Variants in ARHGEF7 observed in about 807,000 individuals in gnomAD.
ARHGEF7 encodes PAK-interacting exchange factor beta.
ARHGEF7 carries 33 observed loss-of-function variants against 109.8 expected under a neutral mutation model. The ratio of observed to expected loss-of-function variants is 0.30; its 90% confidence interval spans 0.23 to 0.40. ARHGEF7 has a LOEUF of 0.40. Among genes scored for constraint, ARHGEF7 ranks in the 10% least tolerant of loss-of-function variants. The pLI, the probability that ARHGEF7 is intolerant of heterozygous loss-of-function variation, is 1.00. For missense variants in ARHGEF7, 938 were observed against 1,098.5 expected (o/e 0.85, Z 2.07); for synonymous variants, 458 against 424.6 (o/e 1.08, Z -0.97).
intron 21 of ARHGEF7, 95 bp downstream of exon 21, chr13:111,301,627 TCACACCTATAATCCCAG>T (rs1485561248): frequency 2.9e-6 from 3 of 1,021,694 alleles, no homozygotes; most frequent in Non-Finnish European, 4.4e-6. Flanking sequence ...GTACGGTGGC[TCACACCTATAATCCCAG>T]CACTTTAGAA....
At chr13:111,150,513 A>G (rs1196451451) in intron 1 of ARHGEF7, among the ~76,000 whole-genome samples, 3 of 152,052 alleles carry the variant, frequency 2.0e-5, no homozygotes, top group African/African-American at 7.2e-5. Flanking sequence ...GTTTTTTTAC[A>G]TTGTTTTTTA....
chr13:111,189,897 C>G (rs897154447), intron 2 of ARHGEF7, among the ~76,000 whole-genome samples: 1 of 152,168 alleles, frequency 6.6e-6, no homozygotes, highest in Non-Finnish European at 1.5e-5. Flanking sequence ...GAAAAGTTCT[C>G]CAAGTCCCCA....
intron 19 of ARHGEF7, among the ~76,000 whole-genome samples, chr13:111,296,558 C>T (rs1452123240): frequency 6.6e-6 from 1 of 152,192 alleles, no homozygotes; most frequent in African/African-American, 2.4e-5. Context: ...GTTTTTCTTA[C>T]TCCCACCTCC....
At chr13:111,297,419 A>C (rs909694426) in intron 19 of ARHGEF7, among the ~76,000 whole-genome samples, 1 of 152,244 alleles carries the variant, frequency 6.6e-6, no homozygotes. Context: ...GCATGCTTTA[A>C]GTGTAGCTGT....
chr13:111,251,405 T>G (rs1189850874), intron 8 of ARHGEF7, among the ~76,000 whole-genome samples: 1 of 152,064 alleles, frequency 6.6e-6, no homozygotes, highest in Non-Finnish European at 1.5e-5. Context: ...TAGGTGACTG[T>G]CAAGAGTAGT....
intron 8 of ARHGEF7, among the ~76,000 whole-genome samples, chr13:111,264,671 A>C (rs1392016888): frequency 6.6e-6 from 1 of 152,198 alleles, no homozygotes. Context: ...TAAGAGAGGG[A>C]GAGAGATGGA....
chr13:111,257,594 C>T (rs1020385986), intron 8 of ARHGEF7, among the ~76,000 whole-genome samples: 20 of 152,338 alleles, frequency 1.3e-4, no homozygotes, highest in Non-Finnish European at 1.9e-4. Context: ...ACTCTCCACA[C>T]GAAGAAATAC....
chr13:111,167,033 C>T (rs933452361), intron 2 of ARHGEF7, among the ~76,000 whole-genome samples: 6 of 152,132 alleles, frequency 3.9e-5, no homozygotes, highest in Non-Finnish European at 8.8e-5. Context: ...GCCCGCTAGA[C>T]GTGCGTACTG....
In ARHGEF7 at chr13:111,221,348, T is replaced by TAG. The variant is rs1198804848; in HGVS notation, c.670+3469_670+3470insGA. ...ATATATGTCTATATATATCTATATA[T>TAG]ATGTCTATATATATATCTATATATA... On this transcript the variant is annotated intron_variant, in intron 5 of 21. Coordinates refer to ENST00000646102, the MANE Select transcript of ARHGEF7 (RefSeq NM_001354046.2). Among the ~76,000 whole-genome samples the TAG allele has an allele frequency of 6.8e-4, 8 of 11,840 alleles. 3 individuals carry two copies. Among genetic ancestry groups the TAG allele is most frequent in the Non-Finnish European group, 1.4e-3 (8 of 5,802 alleles). The allele number at this position is 11,840 out of a possible 152,430, so 7.8% of individuals were successfully genotyped here.
At chr13:111,247,954 G>A (rs1242787344) in intron 8 of ARHGEF7, among the ~76,000 whole-genome samples, 1 of 152,116 alleles carries the variant, frequency 6.6e-6, no homozygotes, top group Non-Finnish European at 1.5e-5. Flanking sequence ...TGCGTTCTGA[G>A]GCCCATGTTT....
At position 111,217,759 on chromosome 13, in the gene ARHGEF7, C is replaced by T; in HGVS notation, c.549C>T (p.Ser183=). 6.2e-7 allele frequency: 1 copy of T among 1,614,214 alleles called. No individual in the cohort carries two copies. Among genetic ancestry groups the T allele is most frequent in the Non-Finnish European group, 8.5e-7 (1 of 1,180,038 alleles). Reference sequence around the variant, plus strand: ...AGCAGACCAATGAGGACGAGCTTTCCTTCTCAAAAGGAGACGTCATCCATG... The same window carrying T: ...AGCAGACCAATGAGGACGAGCTTTCTTTCTCAAAAGGAGACGTCATCCATG... ...NFQQTNEDEL[S]FSKGDVIHVT... The change falls in exon 5 of 22, where the codon TCC becomes TCT. Residue 183 remains serine (S), a synonymous_variant. Coordinates refer to ENST00000646102, the MANE Select transcript of ARHGEF7 (RefSeq NM_001354046.2).
At chr13:111,158,167 T>C (rs2076484660) in intron 2 of ARHGEF7, among the ~76,000 whole-genome samples, 1 of 152,236 alleles carries the variant, frequency 6.6e-6, no homozygotes, top group Non-Finnish European at 1.5e-5. Flanking sequence ...TTCTTGATAC[T>C]TAGCTATATT....
chr13:111,263,974 ACATATAGTAGTTG>A (rs2091365263), intron 8 of ARHGEF7, among the ~76,000 whole-genome samples: 1 of 152,212 alleles, frequency 6.6e-6, no homozygotes, highest in Admixed American at 6.5e-5. Flanking sequence ...GGTGCTGCAT[ACATATAGTAGTTG>A]AAATTAATTT....
rs529660636 is a variant in ARHGEF7, at chr13:111,224,102, G to A, written c.670+6222G>A. On this transcript the variant is annotated intron_variant, in intron 5 of 21. Coordinates refer to ENST00000646102, the MANE Select transcript of ARHGEF7 (RefSeq NM_001354046.2). ...GAACACCTGACCTTGTCATCTGCCC[G>A]CCTCAGCCTCCCAAAGTGCTGGGAT... Among the ~76,000 whole-genome samples the A allele has an allele frequency of 5.8e-3, 883 of 152,250 alleles. 9 individuals carry two copies. Among genetic ancestry groups the A allele is most frequent in the Non-Finnish European group, 5.8e-3 (393 of 68,008 alleles).
intron 2 of ARHGEF7, among the ~76,000 whole-genome samples, chr13:111,171,136 A>G (rs1001834680): frequency 6.6e-6 from 1 of 152,250 alleles, no homozygotes; most frequent in Admixed American, 6.5e-5. Flanking sequence ...TAAGCTCACC[A>G]ATGCACTCTT....
chr13:111,206,218 C>G (rs1054703523), intron 3 of ARHGEF7, among the ~76,000 whole-genome samples: 3 of 151,274 alleles, frequency 2.0e-5, no homozygotes, highest in African/African-American at 7.3e-5. Flanking sequence ...TTCTCAGCTT[C>G]GTCTGGCCCT....
chr13:111,293,979 G>A, intron 19 of ARHGEF7: 1 of 985,422 alleles, frequency 1.0e-6, no homozygotes, highest in Non-Finnish European at 1.2e-6. Flanking sequence ...TGGCACAGGA[G>A]ACATCAGGGC....
intron 2 of ARHGEF7, among the ~76,000 whole-genome samples, chr13:111,192,694 G>A (rs2080031651): frequency 6.6e-6 from 1 of 152,206 alleles, no homozygotes; most frequent in South Asian, 2.1e-4. Flanking sequence ...CAGTGAAGGT[G>A]ATATTGTATC....
chr13:111,165,733 G>C (rs573903779), intron 2 of ARHGEF7, among the ~76,000 whole-genome samples: 3 of 152,286 alleles, frequency 2.0e-5, no homozygotes, highest in Admixed American at 2.0e-4. Context: ...TCCTGAGTTC[G>C]TGGCACAAGA....
Sources: allele counts gnomAD v4.1 joint callset (sites outside exome capture counted in the v4.1 genomes callset), GRCh38; gene constraint gnomAD v4.1.1; transcripts MANE v1.5; gene names NCBI Gene and HGNC (gene_info 2026-07-23, HGNC 2026-07-21).